OLFM3: variants seen among roughly 807,000 people sequenced by gnomAD.
OLFM3 encodes noelin-3.
Under a neutral mutation model 48.6 loss-of-function variants are expected in OLFM3, and 20 were observed. The observed-to-expected ratio is 0.41, with a 90% CI of 0.29 to 0.60. The LOEUF is 0.60. Ranked by LOEUF, OLFM3 falls within the 20% of genes least tolerant of loss-of-function variation. The pLI is 0.28. For synonymous variants in OLFM3, 222 were observed against 198.1 expected, an observed-to-expected ratio of 1.12 and a Z score of -1.01; for missense variants, 437 against 544.3, an observed-to-expected ratio of 0.80 and a Z score of 1.96.
At chr1:101,928,846 AAG>A (rs1464463088) in intron 1 of OLFM3, among the ~76,000 whole-genome samples, 2 of 152,124 alleles carry the variant, frequency 1.3e-5, no homozygotes, top group Non-Finnish European at 2.9e-5. Flanking sequence ...ATGTACTCAA[AAG>A]AGGCTTGTAT....
intron 1 of OLFM3, among the ~76,000 whole-genome samples, chr1:101,962,874 C>T (rs950395596): frequency 5.9e-5 from 9 of 152,258 alleles, no homozygotes; most frequent in South Asian, 2.1e-4. Flanking sequence ...GAGGAGCAGA[C>T]GTGGAAAAGC....
At chr1:101,908,496 A>C (rs1039182638) in intron 1 of OLFM3, among the ~76,000 whole-genome samples, 1 of 152,202 alleles carries the variant, frequency 6.6e-6, no homozygotes, top group African/African-American at 2.4e-5. Flanking sequence ...TTCTGCGCAC[A>C]TAGATGCATT....
intron 3 of OLFM3, among the ~76,000 whole-genome samples, chr1:101,828,343 G>A (rs1032336169): frequency 3.9e-5 from 6 of 152,094 alleles, no homozygotes; most frequent in African/African-American, 1.2e-4. Context: ...TATACTGAAA[G>A]TGCTCAGAAC....
At chr1:101,977,119 A>G (rs1660978184) in intron 1 of OLFM3, among the ~76,000 whole-genome samples, 1 of 152,202 alleles carries the variant, frequency 6.6e-6, no homozygotes, top group Non-Finnish European at 1.5e-5. Context: ...CCAATTTTTC[A>G]AAGGTAGAAT....
chr1:101,950,536 T>C (rs528583223), intron 1 of OLFM3, among the ~76,000 whole-genome samples: 1 of 151,866 alleles, frequency 6.6e-6, no homozygotes, highest in African/African-American at 2.4e-5. Context: ...CCTCCCGGGT[T>C]CACGCCATTC....
At chr1:101,935,324 AT>A (rs1206923761) in intron 1 of OLFM3, among the ~76,000 whole-genome samples, 2 of 151,482 alleles carry the variant, frequency 1.3e-5, no homozygotes, top group Admixed American at 1.3e-4. Flanking sequence ...AAAAAAAAAA[AT>A]CATCAGAGAC....
intron 3 of OLFM3, among the ~76,000 whole-genome samples, chr1:101,827,389 G>C (rs1414429937): frequency 6.6e-6 from 1 of 151,736 alleles, no homozygotes; most frequent in East Asian, 1.9e-4. Flanking sequence ...GCGCGATCTC[G>C]GCTCACTGCA....
At chr1:101,930,343 C>T (rs1659408058) in intron 1 of OLFM3, among the ~76,000 whole-genome samples, 1 of 152,134 alleles carries the variant, frequency 6.6e-6, no homozygotes, top group Admixed American at 6.5e-5. Context: ...GCACAAAATA[C>T]TCTGTGAGTT....
chr1:101,832,558 G>A (rs1655212417), intron 2 of OLFM3, among the ~76,000 whole-genome samples: 1 of 152,200 alleles, frequency 6.6e-6, no homozygotes, highest in Admixed American at 6.5e-5. Context: ...TTATGTGGGT[G>A]TGGAGTAGGG....
At chr1:101,850,422 A>C (rs184536087) in intron 1 of OLFM3, among the ~76,000 whole-genome samples, 3 of 152,258 alleles carry the variant, frequency 2.0e-5, no homozygotes, top group Admixed American at 2.0e-4. Flanking sequence ...ATAAATATTG[A>C]GTGAGAATGA....
intron 1 of OLFM3, among the ~76,000 whole-genome samples, chr1:101,892,438 A>G (rs1658038278): frequency 6.6e-6 from 1 of 152,080 alleles, no homozygotes; most frequent in Non-Finnish European, 1.5e-5. Flanking sequence ...TTGCGCATGT[A>G]TCTAACAAAC....
At position 101,815,925 on chromosome 1, in the gene OLFM3, T is replaced by C. The variant is rs1265356155; in HGVS notation, c.592+9101A>G. Among the ~76,000 whole-genome samples, 3 of 152,216 alleles carry C rather than the reference T, an allele frequency of 2.0e-5. No homozygotes were observed. In the East Asian group the frequency reaches 5.8e-4, roughly 29 times the overall value. On this transcript the variant is annotated intron_variant, in intron 4 of 5. Coordinates refer to ENST00000370103, the MANE Select transcript of OLFM3 (RefSeq NM_058170.4). ...AAGGCATACACAGAAAAGAGAAAGG[T>C]ATCTAGCACAGAACTCTGTAAATCA...
At chr1:101,874,885 C>T (rs1431568787) in intron 1 of OLFM3, among the ~76,000 whole-genome samples, 3 of 151,944 alleles carry the variant, frequency 2.0e-5, no homozygotes, top group Non-Finnish European at 4.4e-5. Context: ...CTGGAATTTT[C>T]CCATCCTGAT....
intron 1 of OLFM3, among the ~76,000 whole-genome samples, chr1:101,840,810 G>A (rs78576600): frequency 0.011 from 1,705 of 152,126 alleles, 32 homozygotes; most frequent in African/African-American, 0.039. Context: ...TATAACCTTG[G>A]TAGCATTTTC....
intron 1 of OLFM3, among the ~76,000 whole-genome samples, chr1:101,924,295 A>G (rs1453472009): frequency 6.6e-6 from 1 of 152,190 alleles, no homozygotes; most frequent in African/African-American, 2.4e-5. Context: ...CAATAAGCTT[A>G]CTATCAAAAC....
chr1:101,831,622 G>A (rs893818018), intron 2 of OLFM3, among the ~76,000 whole-genome samples: 3 of 152,130 alleles, frequency 2.0e-5, no homozygotes, highest in African/African-American at 7.2e-5. Flanking sequence ...GTTAAATAGA[G>A]AAATAGAATA....
intron 1 of OLFM3, among the ~76,000 whole-genome samples, chr1:101,874,880 A>G (rs1478466386): frequency 6.6e-6 from 1 of 151,954 alleles, no homozygotes; most frequent in Non-Finnish European, 1.5e-5. Context: ...GCCAGCTGGA[A>G]TTTTCCCATC....
rs765334728 is a variant in OLFM3, at chr1:101,872,263, AATTT to A, written c.70-35242_70-35239del. 9.2e-5 allele frequency among the ~76,000 whole-genome samples: 14 copies of A among 152,146 alleles called. No homozygotes were observed. In the South Asian group the frequency reaches 2.9e-3, roughly 32 times the overall value. On this transcript the variant is annotated intron_variant, in intron 1 of 5. Transcript: ENST00000370103. ...GTTTATCAAGGTAGTGGCATGAGAA[AATTT>A]ATTTGTTTCTTTGATTTAGTCAGAA...
At chr1:101,932,309 G>C (rs750770276) in intron 1 of OLFM3, among the ~76,000 whole-genome samples, 2 of 152,132 alleles carry the variant, frequency 1.3e-5, no homozygotes, top group African/African-American at 2.4e-5. Flanking sequence ...AGTGGATTTA[G>C]ACTGAGAAAA....
Sources: allele counts gnomAD v4.1 joint callset (sites outside exome capture counted in the v4.1 genomes callset), GRCh38; gene constraint gnomAD v4.1.1; transcripts MANE v1.5; gene names NCBI Gene and HGNC (gene_info 2026-07-23, HGNC 2026-07-21).